VPS41: variants seen among roughly 807,000 people sequenced by gnomAD.
The protein encoded by VPS41 is VPS41 subunit of HOPS complex.
VPS41 carries 85 observed loss-of-function variants against 130.9 expected under a neutral mutation model. The observed-to-expected ratio is 0.65, with a 90% confidence interval of 0.55 to 0.78. The LOEUF (loss-of-function observed/expected upper bound fraction) is 0.78, where lower values mean the gene tolerates loss of function less well. VPS41 is among the 30% of genes least tolerant of loss of function. VPS41 has a pLI of 0.00. For missense variants in VPS41, 874 were observed against 1,018.7 expected, an observed-to-expected ratio of 0.86 and a Z score of 1.93; for synonymous variants, 335 against 332.9, an observed-to-expected ratio of 1.01 and a Z score of -0.07.
intron 8 of VPS41, among the ~76,000 whole-genome samples, 160 bp from the exon 9 acceptor site, chr7:38,795,771 G>A (rs1024298773): frequency 6.6e-6 from 1 of 152,150 alleles, no homozygotes; most frequent in Non-Finnish European, 1.5e-5. Context: ...CACAAACCCT[G>A]TGGGAACTAA....
intron 2 of VPS41, among the ~76,000 whole-genome samples, chr7:38,879,980 T>C (rs1263013545): frequency 6.6e-6 from 1 of 152,206 alleles, no homozygotes; most frequent in Non-Finnish European, 1.5e-5. Flanking sequence ...CTAAAATTTT[T>C]CTTTTGCCAT....
intron 10 of VPS41, 125 bp from the exon 11 acceptor site, chr7:38,776,901 G>T: frequency 1.9e-6 from 1 of 525,824 alleles, no homozygotes; most frequent in Non-Finnish European, 3.5e-6. Context: ...AGGGGACACC[G>T]TTGAACATAC....
intron 2 of VPS41, among the ~76,000 whole-genome samples, chr7:38,889,573 A>AAAC (rs1562625397): frequency 6.9e-6 from 1 of 145,502 alleles, no homozygotes; most frequent in Non-Finnish European, 1.5e-5. Context: ...AAAAAAAAAA[A>AAAC]ACCTTAAAAC....
chr7:38,757,040 CAGAG>C, intron 18 of VPS41, 58 bp from the exon 19 acceptor site: 5 of 1,309,654 alleles, frequency 3.8e-6, no homozygotes, highest in Non-Finnish European at 5.4e-6. Flanking sequence ...AAAACACACA[CAGAG>C]AGATCATGGT....
At chr7:38,859,080 T>C (rs906409978) in intron 4 of VPS41, among the ~76,000 whole-genome samples, 2 of 151,926 alleles carry the variant, frequency 1.3e-5, no homozygotes, top group African/African-American at 4.8e-5. Context: ...TGTGTGTTTG[T>C]ATCTTCATTT....
intron 19 of VPS41, among the ~76,000 whole-genome samples, chr7:38,756,285 T>C (rs1447854980): frequency 6.6e-6 from 1 of 151,302 alleles, no homozygotes; most frequent in Non-Finnish European, 1.5e-5. Context: ...ATGTGAGCTG[T>C]GGCTGGGTCC....
chr7:38,730,916 C>T (rs1584360034), intron 25 of VPS41, among the ~76,000 whole-genome samples: 1 of 152,088 alleles, frequency 6.6e-6, no homozygotes, highest in Non-Finnish European at 1.5e-5. Flanking sequence ...AAGAAAACAG[C>T]AAAATATGCA....
intron 5 of VPS41, among the ~76,000 whole-genome samples, chr7:38,824,816 A>C (rs1785240042): frequency 6.6e-6 from 1 of 152,206 alleles, no homozygotes; most frequent in African/African-American, 2.4e-5. Context: ...GAATAAAGAA[A>C]TTTTAGAAAA....
chr7:38,827,838 C>T (rs909160323), intron 5 of VPS41, among the ~76,000 whole-genome samples: 1 of 152,156 alleles, frequency 6.6e-6, no homozygotes. Flanking sequence ...AACAATACTT[C>T]AGTGTATGGA....
chr7:38,852,411 G>A (rs1335901258), intron 4 of VPS41, among the ~76,000 whole-genome samples: 1 of 152,162 alleles, frequency 6.6e-6, no homozygotes, highest in Non-Finnish European at 1.5e-5. Context: ...CTTGTTACAA[G>A]CAATAAAATC....
intron 25 of VPS41, among the ~76,000 whole-genome samples, chr7:38,735,034 C>T (rs183142267): frequency 2.0e-5 from 3 of 152,238 alleles, no homozygotes; most frequent in Non-Finnish European, 4.4e-5. Flanking sequence ...AGTTCAGAAA[C>T]AATCTTATAA....
At chr7:38,783,395 C>T (rs1310659500) in intron 10 of VPS41, among the ~76,000 whole-genome samples, 1 of 151,212 alleles carries the variant, frequency 6.6e-6, no homozygotes, top group South Asian at 2.1e-4. Flanking sequence ...ATTAGCCAAG[C>T]GTGGTGGCAG....
intron 7 of VPS41, among the ~76,000 whole-genome samples, chr7:38,815,720 C>T (rs181781825): frequency 6.6e-6 from 1 of 152,222 alleles, no homozygotes; most frequent in Admixed American, 6.5e-5. Flanking sequence ...TAAAAGCAGG[C>T]AGAAGAACGT....
chr7:38,742,095 T>C lies in VPS41; in HGVS notation c.2149A>G (p.Ile717Val), dbSNP rs759039807. 6.2e-7 allele frequency: 1 copy of C among 1,611,400 alleles called. No individual in the cohort carries two copies. The highest frequency in any genetic ancestry group is 1.3e-5 in the African/African-American group (1 of 75,006). ...AGAATTGGGTCAACATGTGTGCCAA[T>C]GTTGTTTAACAAGCCAGTAATAAAT... ...PPFITGLLNN[I>V]GTHVDPILLI... is the part of the protein sequence containing the mutation. The change falls in exon 25 of 29, where the codon ATT (isoleucine) becomes GTT (valine). Residue 717 changes from isoleucine (I) to valine (V), a missense_variant. Transcript: ENST00000310301.
intron 3 of VPS41, among the ~76,000 whole-genome samples, chr7:38,862,864 C>A (rs1786149783): frequency 6.6e-6 from 1 of 152,124 alleles, no homozygotes; most frequent in Non-Finnish European, 1.5e-5. Flanking sequence ...CATCTACTGA[C>A]AACTAATGGT....
Position 38,768,912 on chromosome 7 carries a change from C to T in VPS41, c.1186-1314G>A, listed in dbSNP as rs544128648. On this transcript the variant is annotated intron_variant, in intron 14 of 28. Coordinates refer to ENST00000310301, the MANE Select transcript of VPS41 (RefSeq NM_014396.4). ...CAAAATACCCAAAAACTACCATCAT[C>T]CCAGGATGCCATAGCCCCAGCTACA... Among the ~76,000 whole-genome samples the T allele has an allele frequency of 8.5e-5, 13 of 152,296 alleles. No individual in the cohort carries two copies. The South Asian group carries it at 2.3e-3, about 27-fold the overall frequency.
At chr7:38,820,155 A>G (rs937213528) in intron 6 of VPS41, among the ~76,000 whole-genome samples, 1 of 152,160 alleles carries the variant, frequency 6.6e-6, no homozygotes, top group African/African-American at 2.4e-5. Flanking sequence ...CGCTAAGTCT[A>G]TTTAGCACAG....
chr7:38,769,435 T>C (rs1562579499), intron 14 of VPS41, among the ~76,000 whole-genome samples: 1 of 152,236 alleles, frequency 6.6e-6, no homozygotes. Context: ...AATAGGACCC[T>C]AATGTGTCCT....
At chr7:38,861,953 G>C (rs1394545332) in intron 4 of VPS41, among the ~76,000 whole-genome samples, 1 of 152,114 alleles carries the variant, frequency 6.6e-6, no homozygotes, top group African/African-American at 2.4e-5. Flanking sequence ...TTTTAGCTTT[G>C]TATATTTAGA....
Sources: gnomAD v4.1 joint callset for allele counts (sites outside exome capture counted in the v4.1 genomes callset) on GRCh38, gnomAD v4.1.1 for gene constraint, MANE v1.5 for transcripts, NCBI Gene and HGNC (gene_info 2026-07-23, HGNC 2026-07-21) for gene names.